Variants in EEFSEC observed in about 807,000 individuals in gnomAD.
EEFSEC encodes the protein selenocysteine-specific elongation factor.
EEFSEC carries 43 observed loss-of-function variants against 42.1 expected under a neutral mutation model. The observed-to-expected ratio is 1.02, with a 90% confidence interval of 0.80 to 1.32. The LOEUF is 1.32. Among genes scored for constraint, EEFSEC ranks in the 40% most tolerant of loss-of-function variants. EEFSEC has a pLI of 0.00. For missense variants in EEFSEC, 745 were observed against 803.6 expected (o/e 0.93, Z 0.88); for synonymous variants, 354 against 339.1 (o/e 1.04, Z -0.48).
chr3:128,308,429 A>C (rs762553941), intron 4 of EEFSEC, among the ~76,000 whole-genome samples: 3 of 152,184 alleles, frequency 2.0e-5, no homozygotes, highest in Admixed American at 2.0e-4. Flanking sequence ...AGGCTCTCCA[A>C]GTACTAATTT....
chr3:128,307,676 C>T (rs1194657093), intron 4 of EEFSEC, among the ~76,000 whole-genome samples: 1 of 152,216 alleles, frequency 6.6e-6, no homozygotes, highest in Non-Finnish European at 1.5e-5. Flanking sequence ...TTTAGACTGA[C>T]TCCTGCAGCA....
At chr3:128,269,280 G>A (rs1374050224) in intron 4 of EEFSEC, among the ~76,000 whole-genome samples, 1 of 152,258 alleles carries the variant, frequency 6.6e-6, no homozygotes, top group African/African-American at 2.4e-5. Context: ...GCTGGTAGTG[G>A]TGCCTCTACT....
chr3:128,410,821 G>C (rs1048653450), downstream of EEFSEC, among the ~76,000 whole-genome samples: 2 of 152,146 alleles, frequency 1.3e-5, no homozygotes, highest in African/African-American at 2.4e-5. Flanking sequence ...CAGGAACTCT[G>C]TGCAGGCGTC....
At position 128,253,978 on chromosome 3, in the gene EEFSEC, C is replaced by T. The variant is rs373570575; in HGVS notation, c.524+6935C>T. Among the ~76,000 whole-genome samples the T allele has an allele frequency of 4.6e-5, 7 of 152,244 alleles. No homozygotes were observed. The South Asian group carries it at 6.2e-4, about 14-fold the overall frequency. ...TCTTGTCTTTAAAAAAGAAAAAAATCTGATTTTCTTCAAGGGTTTGCTCCC... is the reference window on the plus strand; with the variant it reads ...TCTTGTCTTTAAAAAAGAAAAAAATTTGATTTTCTTCAAGGGTTTGCTCCC... On this transcript the variant is annotated intron_variant, in intron 2 of 6. Coordinates refer to ENST00000254730, the MANE Select transcript of EEFSEC (RefSeq NM_021937.5).
At chr3:128,397,306 C>T (rs866649652) in intron 6 of EEFSEC, among the ~76,000 whole-genome samples, 27 of 152,342 alleles carry the variant, frequency 1.8e-4, no homozygotes, top group Middle Eastern at 6.8e-3. Context: ...GGGTGGACAG[C>T]TTTGTGAAGC....
intron 2 of EEFSEC, among the ~76,000 whole-genome samples, chr3:128,255,486 C>T (rs1178135904): frequency 6.6e-6 from 1 of 152,206 alleles, no homozygotes; most frequent in Non-Finnish European, 1.5e-5. Flanking sequence ...CTTAGTGTCA[C>T]ATGGAATTGG....
At chr3:128,162,376 C>T (rs535724170) in intron 1 of EEFSEC, among the ~76,000 whole-genome samples, 14 of 152,230 alleles carry the variant, frequency 9.2e-5, no homozygotes, top group Non-Finnish European at 1.5e-4. Context: ...GTCTGCCTCA[C>T]TCAGCACTAA....
chr3:128,234,782 G>C (rs896421597), intron 1 of EEFSEC, among the ~76,000 whole-genome samples: 2 of 152,234 alleles, frequency 1.3e-5, no homozygotes, highest in Non-Finnish European at 2.9e-5. Flanking sequence ...TGTGTGCACA[G>C]ATATGGTGTT....
rs1378292165 is a variant in EEFSEC, at chr3:128,266,042, C to T, written c.786+1261C>T. ...GGCAGGATTGAGGCCTAGGGAGGAG[C>T]TGCAGCTTGAAGGCCATTTGCTGGC... On this transcript the variant is annotated intron_variant, in intron 4 of 6. Transcript: ENST00000254730. Among the ~76,000 whole-genome samples, 3 of 152,178 alleles carry T rather than the reference C, an allele frequency of 2.0e-5. No individual in the cohort carries two copies. The East Asian group carries it at 5.8e-4, about 29-fold the overall frequency.
At chr3:128,318,460 C>T (rs1023553176) in intron 4 of EEFSEC, among the ~76,000 whole-genome samples, 3 of 152,156 alleles carry the variant, frequency 2.0e-5, no homozygotes, top group Non-Finnish European at 4.4e-5. Flanking sequence ...CCCACCCGTT[C>T]CTGCTCCAGC....
intron 4 of EEFSEC, among the ~76,000 whole-genome samples, chr3:128,312,107 C>T (rs1014881781): frequency 2.6e-5 from 4 of 152,172 alleles, no homozygotes; most frequent in African/African-American, 7.2e-5. Flanking sequence ...TTGGCTGTAC[C>T]GTCAAGAGTT....
chr3:128,257,900 A>G (rs1488104329), intron 2 of EEFSEC, among the ~76,000 whole-genome samples: 1 of 152,144 alleles, frequency 6.6e-6, no homozygotes, highest in Non-Finnish European at 1.5e-5. Context: ...GGGAGTGCAG[A>G]GCGTTGCCTC....
rs756560106 is a variant in EEFSEC, at chr3:128,341,578, C to G, written c.1132C>G (p.Gln378Glu). 3 of 1,614,062 alleles carry G rather than the reference C, an allele frequency of 1.9e-6. No homozygotes were observed. Among genetic ancestry groups the G allele is most frequent in the South Asian group, 2.2e-5 (2 of 91,088 alleles). Reference sequence around the variant, plus strand: ...CTCTCAAGAATACCTTTTCCAGGAGCAGTACCTGTCCAAGGATTTGACACC... The same window carrying G: ...CTCTCAAGAATACCTTTTCCAGGAGGAGTACCTGTCCAAGGATTTGACACC... ...NFSQEYLFQE[Q>E]YLSKDLTPAV... is the part of the protein sequence containing the mutation. The change falls in exon 5 of 7, where the codon CAG (glutamine) becomes GAG (glutamate). Residue 378 changes from glutamine (Q) to glutamate (E), a missense_variant. Coordinates refer to ENST00000254730, the MANE Select transcript of EEFSEC (RefSeq NM_021937.5).
At chr3:128,299,319 C>T (rs1280490120) in intron 4 of EEFSEC, among the ~76,000 whole-genome samples, 1 of 152,078 alleles carries the variant, frequency 6.6e-6, no homozygotes, top group East Asian at 1.9e-4. Flanking sequence ...CCTGATGATT[C>T]GTAAAGTTGA....
intron 1 of EEFSEC, among the ~76,000 whole-genome samples, chr3:128,192,688 A>G (rs935207753): frequency 5.3e-5 from 8 of 151,928 alleles, no homozygotes; most frequent in Admixed American, 3.9e-4. Flanking sequence ...AACTCTTTCC[A>G]CAGTATTTGT....
intron 1 of EEFSEC, among the ~76,000 whole-genome samples, chr3:128,222,324 C>T (rs1434987921): frequency 3.9e-5 from 6 of 152,194 alleles, no homozygotes; most frequent in East Asian, 3.9e-4. Flanking sequence ...TGAGCCACTG[C>T]GCCCAGCTTA....
At chr3:128,363,269 A>G (rs528278217) in intron 6 of EEFSEC, among the ~76,000 whole-genome samples, 99 of 152,252 alleles carry the variant, frequency 6.5e-4, no homozygotes, top group Non-Finnish European at 9.8e-4. Context: ...GTCTGTGCCC[A>G]GGGAGGTGTG....
intron 6 of EEFSEC, among the ~76,000 whole-genome samples, chr3:128,379,117 G>T (rs868007168): frequency 1.3e-5 from 2 of 152,156 alleles, no homozygotes; most frequent in African/African-American, 4.8e-5. Flanking sequence ...CTGTAGGGAC[G>T]GCAGCTCTGA....
chr3:128,408,278 C>A lies in EEFSEC; in HGVS notation c.*19C>A, dbSNP rs1023078905. ...TCCCTGAGTGTCCGGTGACCTCCCC[C>A]AGGGCCTCCTTGCCCAGCCCAGTCC... On this transcript the variant is annotated 3_prime_UTR_variant, in exon 7 of 7. Transcript: ENST00000254730. The A allele has an allele frequency of 1.3e-6, 2 of 1,542,102 alleles. No homozygotes were observed. Among genetic ancestry groups the A allele is most frequent in the Admixed American group, 3.7e-5 (2 of 53,538 alleles).
Sources: allele counts gnomAD v4.1 joint callset (sites outside exome capture counted in the v4.1 genomes callset), GRCh38; gene constraint gnomAD v4.1.1; transcripts MANE v1.5; gene names NCBI Gene and HGNC (gene_info 2026-07-23, HGNC 2026-07-21).